USP24: variants seen among roughly 807,000 people sequenced by gnomAD.
USP24 encodes the protein ubiquitin carboxyl-terminal hydrolase 24.
USP24 carries 97 observed loss-of-function variants against 361.6 expected under a neutral mutation model. The observed-to-expected ratio is 0.27, with a 90% CI of 0.23 to 0.32. The LOEUF (loss-of-function observed/expected upper bound fraction) is 0.32, where lower values mean the gene tolerates loss of function less well. Among genes scored for constraint, USP24 ranks in the 10% least tolerant of loss-of-function variants. The probability of loss-of-function intolerance (pLI) is 1.00; values close to 1 mark genes in which losing one functional copy is unlikely to be tolerated. For missense variants in USP24, 2,353 were observed against 3,165.6 expected, an observed-to-expected ratio of 0.74 and a Z score of 6.16; for synonymous variants, 1,098 against 1,124.6, an observed-to-expected ratio of 0.98 and a Z score of 0.47.
chr1:55,071,727 T>A, intron 67 of USP24, 87 bp downstream of exon 67: 1 of 1,342,188 alleles, frequency 7.5e-7, no homozygotes, highest in Non-Finnish European at 1.0e-6. Context: ...AGGAAGCATC[T>A]TGTTTTCCCT....
chr1:55,071,461 G>C, intron 67 of USP24: 4 of 1,031,692 alleles, frequency 3.9e-6, no homozygotes, highest in Non-Finnish European at 4.7e-6. Flanking sequence ...CAGGAAGGCT[G>C]GTGAGAGCAA....
Position 55,095,386 on chromosome 1 carries a change from G to A in USP24, c.6072C>T (p.Tyr2024=). 6.2e-7 allele frequency: 1 copy of A among 1,609,576 alleles called. No homozygotes were observed. Among genetic ancestry groups the A allele is most frequent in the Non-Finnish European group, 8.5e-7 (1 of 1,178,198 alleles). The change falls in exon 51 of 68, where the codon TAC becomes TAT. Residue 2024 remains tyrosine (Y), a synonymous_variant. Transcript: ENST00000294383. The stretch of plus-strand genomic sequence containing the variant: ...TCCAGTATCTTCGGCGCACATCAGT[G>A]TATGGGTTTGCTTTATAACAAGACA... ...RPKVYDQTNP[Y]TDVRRRYWNA... is the part of the protein sequence containing the mutation.
chr1:55,193,000 C>T (rs1644328990), intron 1 of USP24, among the ~76,000 whole-genome samples: 2 of 152,030 alleles, frequency 1.3e-5, no homozygotes, highest in South Asian at 4.1e-4. Flanking sequence ...CAATTGTGAA[C>T]TGAAAATATT....
chr1:55,083,943 T>C (rs1236787222), intron 56 of USP24, 55 bp from the exon 57 acceptor site: 1 of 1,336,480 alleles, frequency 7.5e-7, no homozygotes, highest in Non-Finnish European at 1.0e-6. Context: ...GACAGACATT[T>C]ATAACAGGAT....
Position 55,124,594 on chromosome 1 carries a change from G to A in USP24, c.3995C>T (p.Ala1332Val), listed in dbSNP as rs746896989. 9 of 1,613,820 alleles carry A rather than the reference G, an allele frequency of 5.6e-6. No homozygotes were observed. Among genetic ancestry groups the A allele is most frequent in the Non-Finnish European group, 7.6e-6 (9 of 1,179,908 alleles). The change falls in exon 35 of 68, where the codon GCT (alanine) becomes GTT (valine). Residue 1332 changes from alanine to valine, a missense_variant. Physicochemically the swap from Ala to Val is moderately conservative, Grantham distance 64 (BLOSUM62 0). Around this residue, in one of 8 missense-constraint regions of USP24, gnomAD observed 949 missense variants for 1,280.5 expected, o/e 0.74. Coordinates refer to ENST00000294383, the MANE Select transcript of USP24 (RefSeq NM_015306.3). ...AGCCCATGACAATCTCATGAAGCAAGCCACAGTAGAAGTGAAATCACTTAC... is the reference window on the plus strand; with the variant it reads ...AGCCCATGACAATCTCATGAAGCAAACCACAGTAGAAGTGAAATCACTTAC... ...MEVSDFTSTVACFMRLSWAAA... is the reference protein window; with the variant it reads ...MEVSDFTSTVVCFMRLSWAAA...
At chr1:55,202,121 G>A (rs548028797) in intron 1 of USP24, among the ~76,000 whole-genome samples, 15 of 152,186 alleles carry the variant, frequency 9.9e-5, no homozygotes, top group Middle Eastern at 3.4e-3. Flanking sequence ...CTCTAAGAGC[G>A]CATCAATATT....
In USP24 at chr1:55,083,644, T is replaced by C. The variant is rs184531738; in HGVS notation, c.6882+128A>G. The C allele has an allele frequency of 2.0e-4, 151 of 769,172 alleles. 1 individual carries two copies. The African/African-American group carries it at 2.3e-3, about 12-fold the overall frequency. The allele number at this position is 769,172 out of a possible 1,614,324, so 47.6% of individuals were successfully genotyped here. ...ATCAGAATTCTTACAAGTAATATAA[T>C]TCACAAGATTTTTAGGAAGAAACAT... On this transcript the variant is annotated intron_variant, in intron 57 of 67. Coordinates refer to ENST00000294383, the MANE Select transcript of USP24 (RefSeq NM_015306.3).
At position 55,145,900 on chromosome 1, in the gene USP24, T is replaced by C. The variant is rs1647016245; in HGVS notation, c.2362+98A>G. The C allele has an allele frequency of 3.7e-6, 3 of 814,958 alleles. No individual in the cohort carries two copies. The Admixed American group carries it at 7.3e-5, about 20-fold the overall frequency. 50.5% of individuals were successfully genotyped at this position (814,958 alleles called of 1,614,324 possible). A position where few individuals can be genotyped will look rare whatever the true frequency, so the allele number is the denominator to read the frequency against. ...AAAATTCTAGAAGGATATTCCTAAC[T>C]GTTTAGTTGCTTCTGAGAAGGAGGA... is the stretch of plus-strand genomic sequence containing the variant. On this transcript the variant is annotated intron_variant, in intron 20 of 67. Transcript: ENST00000294383.
Position 55,176,436 on chromosome 1 carries a change from G to C in USP24, c.498C>G (p.Ser166=). The C allele has an allele frequency of 6.4e-7, 1 of 1,568,220 alleles. No homozygotes were observed. ...ASTYLARLGL[S]ESDENCRRFM... ...ACCTTCTACAATTCTCATCAGACTC[G>C]GAAAGACCTTAGTAAAATGCATGAA... The change falls in exon 3 of 68, where the codon TCC becomes TCG. Residue 166 remains serine (S), a synonymous_variant. Coordinates refer to ENST00000294383, the MANE Select transcript of USP24 (RefSeq NM_015306.3).
chr1:55,119,789 G>C (rs1646226940), intron 38 of USP24, among the ~76,000 whole-genome samples: 1 of 151,932 alleles, frequency 6.6e-6, no homozygotes, highest in Non-Finnish European at 1.5e-5. Flanking sequence ...TTTTGACTTT[G>C]AGGCATTTTT....
rs934536509 is a variant in USP24, at chr1:55,104,039, A to C, written c.4881-19T>G. The C allele has an allele frequency of 2.4e-5, 38 of 1,585,966 alleles. No individual in the cohort carries two copies. The highest frequency in any genetic ancestry group is 1.1e-4 in the African/African-American group (8 of 73,978). ...ACTACACCTAGAAACAAAAGACACA[A>C]GTCAATTTCAACAATGAATAATCTA... is the stretch of plus-strand genomic sequence containing the variant. On this transcript the variant is annotated intron_variant, in intron 41 of 67. Coordinates refer to ENST00000294383, the MANE Select transcript of USP24 (RefSeq NM_015306.3).
At chr1:55,098,665 T>G in intron 45 of USP24, 107 bp from the exon 46 acceptor site, 2 of 768,236 alleles carry the variant, frequency 2.6e-6, no homozygotes, top group East Asian at 5.3e-5. Context: ...AACGCGTCAT[T>G]CTGGTAGTAT....
At position 55,143,025 on chromosome 1, in the gene USP24, A is replaced by G; in HGVS notation, c.2534T>C (p.Leu845Pro). 1 of 1,529,224 alleles carries G rather than the reference A, an allele frequency of 6.5e-7. No individual in the cohort carries two copies. The highest frequency in any genetic ancestry group is 8.8e-7 in the Non-Finnish European group (1 of 1,137,576). 94.7% of individuals were successfully genotyped at this position (1,529,224 alleles called of 1,614,324 possible). A position where few individuals can be genotyped will look rare whatever the true frequency, so the allele number is the denominator to read the frequency against. The stretch of plus-strand genomic sequence containing the variant: ...ATTAATGTAACTATAGTTTATGATT[A>G]GCTGAATAGCTTCATTAGCAATTTC... ...DEEIANEAIQLIINYSYINLN... is the reference protein window; with the variant it reads ...DEEIANEAIQPIINYSYINLN... Residue 845 changes from leucine to proline, a missense_variant, in exon 22 of 68, where the codon CTA becomes CCA. By Grantham distance (98) the Leu-to-Pro change is moderately conservative. Around this residue, in one of 8 missense-constraint regions of USP24, gnomAD observed 949 missense variants for 1,280.5 expected, o/e 0.74. Transcript: ENST00000294383.
At chr1:55,208,770 T>C (rs770985434) in intron 1 of USP24, among the ~76,000 whole-genome samples, 3 of 151,752 alleles carry the variant, frequency 2.0e-5, no homozygotes, top group Non-Finnish European at 4.4e-5. Flanking sequence ...ACCCCATTTC[T>C]ACTAAAAATA....
Position 55,148,517 on chromosome 1 carries a change from C to G in USP24, c.1914G>C (p.Gln638His). The G allele has an allele frequency of 6.3e-7, 1 of 1,597,210 alleles. No homozygotes were observed. Among genetic ancestry groups the G allele is most frequent in the Non-Finnish European group, 8.5e-7 (1 of 1,170,848 alleles). ...TGAATGAGCGAGTAATTTCATGGAG[C>G]TGACGCAAAGCTGGTACCACCCATA... ...QFVWVVPALR[Q>H]LHEITRSFIK... Residue 638 changes from glutamine (Q) to histidine (H), a missense_variant, in exon 17 of 68, where the codon CAG becomes CAC. Physicochemically the swap from Gln to His is conservative, Grantham distance 24. Coordinates refer to ENST00000294383, the MANE Select transcript of USP24 (RefSeq NM_015306.3).
intron 21 of USP24, among the ~76,000 whole-genome samples, chr1:55,143,814 A>T (rs185246893): frequency 6.6e-6 from 1 of 152,228 alleles, no homozygotes; most frequent in East Asian, 1.9e-4. Context: ...TTCGAAGCTT[A>T]GGTGAACTAT....
chr1:55,195,011 T>TAAAAC (rs71048727), intron 1 of USP24, among the ~76,000 whole-genome samples: 1 of 151,770 alleles, frequency 6.6e-6, no homozygotes, highest in African/African-American at 2.4e-5. Context: ...TGATCTTCCT[T>TAAAAC]AAAACAAAAC....
chr1:55,105,404 T>C (rs985320968), intron 41 of USP24, among the ~76,000 whole-genome samples: 1 of 152,204 alleles, frequency 6.6e-6, no homozygotes, highest in Non-Finnish European at 1.5e-5. Context: ...AGATACCTCT[T>C]AGGATTCCAC....
At chr1:55,139,693 G>C (rs774062514) in intron 24 of USP24, among the ~76,000 whole-genome samples, 19 of 151,946 alleles carry the variant, frequency 1.3e-4, no homozygotes, top group Non-Finnish European at 2.4e-4. Flanking sequence ...ATTTCAAAGA[G>C]GTATATTTCT....
Sources: allele counts gnomAD v4.1 joint callset (sites outside exome capture counted in the v4.1 genomes callset), GRCh38; gene constraint gnomAD v4.1.1; regional missense constraint gnomAD v4.1.1; transcripts MANE v1.5; gene names NCBI Gene and HGNC (gene_info 2026-07-23, HGNC 2026-07-21).